NHSL1: variants seen among roughly 807,000 people sequenced by gnomAD.
NHSL1 encodes NHS-like protein 1.
A neutral mutation model predicts 95.0 loss-of-function variants in NHSL1; 48 were observed. The observed-to-expected ratio is 0.51, with a 90% CI of 0.40 to 0.64. The LOEUF (loss-of-function observed/expected upper bound fraction) is 0.64. NHSL1 is among the 30% of genes least tolerant of loss of function. The probability of loss-of-function intolerance (pLI) is 0.00; values close to 1 mark genes in which losing one functional copy is unlikely to be tolerated. For synonymous variants in NHSL1, 783 were observed against 833.9 expected (o/e 0.94, Z 1.05); for missense variants, 1,971 against 2,077.7 (o/e 0.95, Z 1.00).
intron 1 of NHSL1, among the ~76,000 whole-genome samples, chr6:138,518,281 C>T (rs996287154): frequency 6.6e-6 from 1 of 152,136 alleles, no homozygotes; most frequent in Non-Finnish European, 1.5e-5. Context: ...CACAAGAATT[C>T]ACCCAGTAGC....
intron 3 of NHSL1, among the ~76,000 whole-genome samples, chr6:138,455,134 C>T (rs1384083018): frequency 6.6e-6 from 1 of 152,158 alleles, no homozygotes; most frequent in Non-Finnish European, 1.5e-5. Context: ...TAAGAAGGTG[C>T]CATAACTGCA....
intron 1 of NHSL1, among the ~76,000 whole-genome samples, chr6:138,684,808 G>A (rs958427190): frequency 6.6e-6 from 1 of 152,174 alleles, no homozygotes; most frequent in Non-Finnish European, 1.5e-5. Flanking sequence ...ACCGGCATGT[G>A]GAACAAGATG....
chr6:138,632,371 A>G (rs1351720839), intron 1 of NHSL1, among the ~76,000 whole-genome samples: 1 of 152,136 alleles, frequency 6.6e-6, no homozygotes, highest in Non-Finnish European at 1.5e-5. Flanking sequence ...GCCTTGAGTG[A>G]ACATAGGTGG....
intron 1 of NHSL1, among the ~76,000 whole-genome samples, chr6:138,657,814 C>CAAAAAAAAAAA (rs1051789759): frequency 1.8e-4 from 6 of 32,996 alleles, no homozygotes; most frequent in African/African-American, 3.2e-4. Flanking sequence ...GACTCCATCT[C>CAAAAAAAAAAA]AAAAAAAAAA....
At chr6:138,671,867 G>A (rs769315916) in intron 1 of NHSL1, among the ~76,000 whole-genome samples, 4 of 152,120 alleles carry the variant, frequency 2.6e-5, no homozygotes, top group Admixed American at 6.6e-5. Flanking sequence ...CTGCTTTAAC[G>A]CTATACACAC....
At chr6:138,658,205 C>T (rs540035270) in intron 1 of NHSL1, among the ~76,000 whole-genome samples, 13 of 152,238 alleles carry the variant, frequency 8.5e-5, no homozygotes, top group African/African-American at 2.6e-4. Flanking sequence ...GTGTACAACA[C>T]GATTTGATAT....
intron 1 of NHSL1, among the ~76,000 whole-genome samples, chr6:138,643,975 C>A (rs1174812773): frequency 2.8e-5 from 4 of 144,806 alleles, no homozygotes; most frequent in African/African-American, 7.7e-5. Flanking sequence ...TCCACCCGGG[C>A]AACAGAGCAA....
intron 1 of NHSL1, among the ~76,000 whole-genome samples, chr6:138,553,512 T>C (rs1023540118): frequency 6.6e-6 from 1 of 152,150 alleles, no homozygotes; most frequent in Non-Finnish European, 1.5e-5. Context: ...CTTTTCAGGG[T>C]GCTGGAACAT....
chr6:138,448,791 G>T (rs757295320), intron 3 of NHSL1, among the ~76,000 whole-genome samples: 1 of 152,174 alleles, frequency 6.6e-6, no homozygotes, highest in African/African-American at 2.4e-5. Context: ...GATGGCTCAC[G>T]CCTGTAATCC....
At position 138,424,073 on chromosome 6, in the gene NHSL1, T is replaced by A. The variant is rs1191404907; in HGVS notation, c.*8A>T. ...CCCGTGTCACCTGGGAGAGTTACGT[T>A]CTTGGCCCTAACTCTCCTCGCTCAG... On this transcript the variant is annotated 3_prime_UTR_variant, in exon 8 of 8. Transcript: ENST00000343505. The surrounding 1 kb of genome is among the most constrained non-coding windows in gnomAD (Gnocchi z 5.9). 7.3e-7 allele frequency: 1 copy of A among 1,368,810 alleles called. No individual in the cohort carries two copies. Among genetic ancestry groups the A allele is most frequent in the Non-Finnish European group, 9.4e-7 (1 of 1,063,114 alleles). 84.8% of individuals were successfully genotyped at this position (1,368,810 alleles called of 1,614,324 possible).
chr6:138,562,021 A>C (rs145023970), intron 1 of NHSL1, among the ~76,000 whole-genome samples: 1 of 152,242 alleles, frequency 6.6e-6, no homozygotes, highest in Non-Finnish European at 1.5e-5. Context: ...GCTGAATTCA[A>C]CGGAACAGAG....
chr6:138,533,681 T>C (rs1334421431), intron 1 of NHSL1, among the ~76,000 whole-genome samples: 1 of 152,224 alleles, frequency 6.6e-6, no homozygotes, highest in Non-Finnish European at 1.5e-5. Flanking sequence ...TGCATTGGAG[T>C]GTTTTTCTAA....
At chr6:138,639,567 G>T (rs866547540) in intron 1 of NHSL1, among the ~76,000 whole-genome samples, 8 of 151,672 alleles carry the variant, frequency 5.3e-5, no homozygotes, top group Non-Finnish European at 4.4e-5. Flanking sequence ...GCATGAACCT[G>T]GGAGGCAGAG....
At chr6:138,575,113 G>A (rs529095581), upstream of NHSL1, among the ~76,000 whole-genome samples, 11 of 152,188 alleles carry the variant, frequency 7.2e-5, no homozygotes, top group Non-Finnish European at 1.3e-4. Context: ...TGGTCAGGCT[G>A]GTCTCGAACT....
chr6:138,625,991 A>G (rs1784732824), intron 1 of NHSL1, among the ~76,000 whole-genome samples: 1 of 152,230 alleles, frequency 6.6e-6, no homozygotes, highest in Non-Finnish European at 1.5e-5. Flanking sequence ...GCTTTTCTCA[A>G]TGGAAAACTA....
chr6:138,591,096 C>T (rs1278085508), intron 1 of NHSL1, among the ~76,000 whole-genome samples: 1 of 152,102 alleles, frequency 6.6e-6, no homozygotes. Flanking sequence ...ATGGGGCAAG[C>T]ATGGAGCACT....
In NHSL1 at chr6:138,437,339, T is replaced by C. The variant is rs1176770655; in HGVS notation, c.665-3659A>G. Among the ~76,000 whole-genome samples, 203 of 46,166 alleles carry C rather than the reference T, an allele frequency of 4.4e-3. 4 individuals carry two copies. The highest frequency in any genetic ancestry group is 0.02 in the African/African-American group (195 of 9,934). 30.3% of individuals were successfully genotyped at this position (46,166 alleles called of 152,430 possible). ...ATATATACACACACACATATATATA[T>C]ATACACATATATATATACACATATA... On this transcript the variant is annotated intron_variant, in intron 5 of 7. Coordinates refer to ENST00000343505, the MANE Select transcript of NHSL1 (RefSeq NM_001144060.2).
chr6:138,491,213 C>T (rs1339717333), intron 2 of NHSL1, among the ~76,000 whole-genome samples: 2 of 152,198 alleles, frequency 1.3e-5, no homozygotes, highest in African/African-American at 4.8e-5. Flanking sequence ...ATGCCAACAA[C>T]AGCTGCTCTG....
At chr6:138,503,096 A>G (rs1467366096), upstream of NHSL1, among the ~76,000 whole-genome samples, 1 of 152,128 alleles carries the variant, frequency 6.6e-6, no homozygotes, top group Non-Finnish European at 1.5e-5. Context: ...TTTTATTTCA[A>G]TTTTTAAAAA....
Sources: allele counts gnomAD v4.1 joint callset (sites outside exome capture counted in the v4.1 genomes callset), GRCh38; gene constraint gnomAD v4.1.1; non-coding constraint Gnocchi (gnomAD v3.1); transcripts MANE v1.5; gene names NCBI Gene and HGNC (gene_info 2026-07-23, HGNC 2026-07-21).